The following HMGA2 variants were observed in gnomAD, a reference collection of about 807,000 sequenced individuals.
HMGA2 encodes high mobility group AT-hook 2.
HMGA2 carries 8 observed loss-of-function variants against 19.1 expected under a neutral mutation model. The observed-to-expected ratio is 0.42, with a 90% CI of 0.25 to 0.76. HMGA2 has a LOEUF of 0.76. Among genes scored for constraint, HMGA2 ranks in the 30% least tolerant of loss-of-function variants. The pLI, the probability that HMGA2 is intolerant of heterozygous loss-of-function variation, is 0.28. For synonymous variants in HMGA2, 60 were observed against 48.8 expected, an observed-to-expected ratio of 1.23 and a Z score of -0.96; for missense variants, 109 against 136.3, an observed-to-expected ratio of 0.80 and a Z score of 1.00.
At chr12:65,915,181 G>T in intron 3 of HMGA2, 1 of 1,610,582 alleles carries the variant, frequency 6.2e-7, no homozygotes, top group South Asian at 1.1e-5. Flanking sequence ...TTCACCTTGA[G>T]GAATTGTCCA....
At chr12:65,929,523 G>T (rs1372960480) in intron 3 of HMGA2, among the ~76,000 whole-genome samples, 2 of 151,112 alleles carry the variant, frequency 1.3e-5, no homozygotes, top group East Asian at 3.9e-4. Flanking sequence ...TTAGAAATCT[G>T]CAAATTTAAA....
intron 3 of HMGA2, among the ~76,000 whole-genome samples, chr12:65,893,409 T>G (rs1873997561): frequency 6.6e-6 from 1 of 152,236 alleles, no homozygotes; most frequent in African/African-American, 2.4e-5. Context: ...TTTTTGTTTC[T>G]TCAAAGTGGT....
intron 3 of HMGA2, among the ~76,000 whole-genome samples, chr12:65,868,125 G>A (rs1872524440): frequency 6.6e-6 from 1 of 152,218 alleles, no homozygotes; most frequent in Non-Finnish European, 1.5e-5. Context: ...TTCTGCAGCT[G>A]TCCTCACTAA....
chr12:65,827,917 T>A (rs1306987724), intron 1 of HMGA2, 84 bp from the exon 2 acceptor site: 1 of 936,186 alleles, frequency 1.1e-6, no homozygotes, highest in Non-Finnish European at 1.8e-6. Flanking sequence ...GAGCAGCACA[T>A]GCAGAAAATA....
Position 65,824,543 on chromosome 12 carries a change from C to G in HMGA2, c.-728C>G, listed in dbSNP as rs867484884. The G allele has an allele frequency of 8.6e-6, 2 of 233,368 alleles. No individual in the cohort carries two copies. The highest frequency in any genetic ancestry group is 1.7e-5 in the Non-Finnish European group (2 of 118,468). The allele number at this position is 233,368 out of a possible 1,614,324, so 14.5% of individuals were successfully genotyped here. ...CAAGACTCAGGAGCTAGCAGCCCGT[C>G]CCCCTCCGACTCTCCGGTGCCGCCG... On this transcript the variant is annotated 5_prime_UTR_variant, in exon 1 of 5. Transcript: ENST00000403681.
chr12:65,859,924 A>C, intron 3 of HMGA2: 1 of 286,844 alleles, frequency 3.5e-6, no homozygotes, highest in Admixed American at 4.0e-5. Context: ...TCTCTAAAAA[A>C]AAAAAAAAAA....
Position 65,868,911 on chromosome 12 carries a change from G to A in HMGA2, c.249+30342G>A, listed in dbSNP as rs74097824. The stretch of plus-strand genomic sequence containing the variant: ...AAATTTGTGCCAAACCCCAAATGTA[G>A]ACAAGGTCATATTATAAACATTAAT... On this transcript the variant is annotated intron_variant, in intron 3 of 4. Transcript: ENST00000403681. 9.4e-3 allele frequency among the ~76,000 whole-genome samples: 1,436 copies of A among 152,278 alleles called. 23 individuals are homozygous for A. Among genetic ancestry groups the A allele is most frequent in the African/African-American group, 0.033 (1,379 of 41,554 alleles).
chr12:65,962,928 C>CT (rs944656146), intron 4 of HMGA2, among the ~76,000 whole-genome samples: 7 of 152,124 alleles, frequency 4.6e-5, no homozygotes, highest in African/African-American at 9.7e-5. Context: ...TCCATTCCTA[C>CT]TTTTTTTCTA....
chr12:65,864,051 A>C (rs1872254525), intron 3 of HMGA2, among the ~76,000 whole-genome samples: 2 of 152,204 alleles, frequency 1.3e-5, no homozygotes, highest in Admixed American at 1.3e-4. Context: ...TATGTGCAGT[A>C]AACATTTATG....
At chr12:65,890,999 G>A (rs553168928) in intron 3 of HMGA2, among the ~76,000 whole-genome samples, 1 of 152,132 alleles carries the variant, frequency 6.6e-6, no homozygotes. Context: ...CCAAAGTGCT[G>A]GGATTATAGG....
At chr12:65,909,945 C>A (rs1157236224) in intron 3 of HMGA2, among the ~76,000 whole-genome samples, 1 of 152,206 alleles carries the variant, frequency 6.6e-6, no homozygotes, top group East Asian at 1.9e-4. Context: ...GAGATGGCTG[C>A]ATGCACATCG....
intron 3 of HMGA2, among the ~76,000 whole-genome samples, chr12:65,864,182 G>A (rs1476181373): frequency 1.3e-5 from 2 of 152,006 alleles, no homozygotes; most frequent in South Asian, 2.1e-4. Context: ...CATTTCCATC[G>A]TGCTTATTTG....
intron 3 of HMGA2, among the ~76,000 whole-genome samples, chr12:65,877,912 C>A (rs570618816): frequency 8.9e-4 from 135 of 152,166 alleles, no homozygotes; most frequent in Non-Finnish European, 1.5e-3. Flanking sequence ...GCTCATATTT[C>A]CTTTTGTGAA....
intron 3 of HMGA2, among the ~76,000 whole-genome samples, chr12:65,913,274 C>T (rs953201944): frequency 2.6e-5 from 4 of 152,104 alleles, no homozygotes. Context: ...TCAACTCCTT[C>T]AGTGGTCTTC....
chr12:65,881,699 G>A (rs1873401305), intron 3 of HMGA2: 4 of 700,860 alleles, frequency 5.7e-6, no homozygotes, highest in South Asian at 1.5e-5. Context: ...AGAAATTGCT[G>A]AAGGAGAGCT....
At position 65,925,905 on chromosome 12, in the gene HMGA2, T is replaced by C. The variant is rs182216129; in HGVS notation, c.250-25478T>C. On this transcript the variant is annotated intron_variant, in intron 3 of 4. Coordinates refer to ENST00000403681, the MANE Select transcript of HMGA2 (RefSeq NM_003483.6). ...GCTATTGACTGCAGAGCCATAAAGC[T>C]GTTTTTAGAATGACTGCTTCTGTTG... Among the ~76,000 whole-genome samples the C allele has an allele frequency of 1.1e-3, 162 of 152,322 alleles. 1 individual carries two copies. The highest frequency in any genetic ancestry group is 4.8e-3 in the Admixed American group (73 of 15,298).
At chr12:65,849,359 T>C (rs1266720671) in intron 3 of HMGA2, among the ~76,000 whole-genome samples, 1 of 152,186 alleles carries the variant, frequency 6.6e-6, no homozygotes, top group African/African-American at 2.4e-5. Flanking sequence ...TCTTGAGAGA[T>C]GGACATTCTT....
intron 3 of HMGA2, among the ~76,000 whole-genome samples, chr12:65,892,247 T>C (rs1873941058): frequency 6.6e-6 from 1 of 152,196 alleles, no homozygotes; most frequent in African/African-American, 2.4e-5. Context: ...GGAGAGACTT[T>C]TAATGCCAGC....
chr12:65,882,166 T>C, intron 3 of HMGA2: 1 of 387,754 alleles, frequency 2.6e-6, no homozygotes, highest in South Asian at 2.2e-5. Context: ...TCTTGCGGGC[T>C]GGCCTTTCTG....
Sources: allele counts gnomAD v4.1 joint callset (sites outside exome capture counted in the v4.1 genomes callset), GRCh38; gene constraint gnomAD v4.1.1; transcripts MANE v1.5; gene names NCBI Gene and HGNC (gene_info 2026-07-23, HGNC 2026-07-21).